The following SRL variants were observed in gnomAD, a reference collection of about 807,000 sequenced individuals.
SRL encodes the protein sarcalumenin.
SRL carries 23 observed loss-of-function variants against 39.5 expected under a neutral mutation model. The ratio of observed to expected loss-of-function variants is 0.58; its 90% confidence interval spans 0.42 to 0.82. The LOEUF is 0.82. Among genes scored for constraint, SRL ranks in the 40% least tolerant of loss-of-function variants. The probability of loss-of-function intolerance (pLI) is 0.00; values close to 1 mark genes in which losing one functional copy is unlikely to be tolerated. For missense variants in SRL, 592 were observed against 607.8 expected, an observed-to-expected ratio of 0.97 and a Z score of 0.27; for synonymous variants, 272 against 237.4, an observed-to-expected ratio of 1.15 and a Z score of -1.34.
intron 1 of SRL, among the ~76,000 whole-genome samples, chr16:4,215,192 T>C (rs1025819954): frequency 1.3e-5 from 2 of 152,208 alleles, no homozygotes; most frequent in Admixed American, 1.3e-4. Flanking sequence ...CCTGAGGTCC[T>C]CTTCTGCCAT....
chr16:4,206,731 G>A (rs763952157), intron 1 of SRL: 3 of 447,294 alleles, frequency 6.7e-6, no homozygotes, highest in East Asian at 7.0e-5. Context: ...TCCTACCCTG[G>A]GCAACAATGA....
At chr16:4,220,337 A>G (rs2052509998) in intron 1 of SRL, among the ~76,000 whole-genome samples, 1 of 142,934 alleles carries the variant, frequency 7.0e-6, no homozygotes, top group Non-Finnish European at 1.5e-5. Context: ...GCACACAGCT[A>G]CTCAGGAGGC....
At chr16:4,238,358 TCC>T (rs2052734729) in intron 1 of SRL, among the ~76,000 whole-genome samples, 1 of 151,754 alleles carries the variant, frequency 6.6e-6, no homozygotes, top group Non-Finnish European at 1.5e-5. Flanking sequence ...GAAACAGCTG[TCC>T]CCCTCCTGAG....
At chr16:4,237,785 G>T (rs2052728609) in intron 1 of SRL, among the ~76,000 whole-genome samples, 1 of 152,062 alleles carries the variant, frequency 6.6e-6, no homozygotes, top group African/African-American at 2.4e-5. Flanking sequence ...TTTCTGTTCT[G>T]AATCCTGCTT....
intron 1 of SRL, among the ~76,000 whole-genome samples, chr16:4,235,997 C>T (rs2052709814): frequency 6.6e-6 from 1 of 152,084 alleles, no homozygotes; most frequent in South Asian, 2.1e-4. Context: ...ATTGCTTGAG[C>T]CCAGGAGGTG....
chr16:4,220,992 A>C (rs8058335), intron 1 of SRL, among the ~76,000 whole-genome samples: 45,432 of 150,918 alleles, frequency 0.3, 7,272 homozygotes, highest in Middle Eastern at 0.48. Context: ...CTCAAAAAAA[A>C]CCCCACAAAT....
intron 1 of SRL, among the ~76,000 whole-genome samples, chr16:4,206,098 C>T (rs912590782): frequency 7.9e-5 from 12 of 152,150 alleles, no homozygotes; most frequent in African/African-American, 1.9e-4. Flanking sequence ...GGTGCCTGAC[C>T]GACCCTCGTA....
intron 4 of SRL, 82 bp from the exon 5 acceptor site, chr16:4,195,868 G>T: frequency 8.5e-7 from 1 of 1,171,588 alleles, no homozygotes; most frequent in Non-Finnish European, 1.2e-6. Context: ...TATGCCTGGT[G>T]TCACAGGGAG....
At chr16:4,240,365 G>C (rs1486552320) in intron 1 of SRL, among the ~76,000 whole-genome samples, 2 of 152,212 alleles carry the variant, frequency 1.3e-5, no homozygotes, top group African/African-American at 4.8e-5. Context: ...TTGTGGGTTA[G>C]AACCTGCCGG....
chr16:4,217,548 T>C (rs1371111624), intron 1 of SRL, among the ~76,000 whole-genome samples: 2 of 152,038 alleles, frequency 1.3e-5, no homozygotes, highest in African/African-American at 4.8e-5. Flanking sequence ...CACTGGCCCC[T>C]CCCCTGCTGT....
At chr16:4,207,042 G>A (rs2052329583) in intron 1 of SRL, 1 of 452,722 alleles carries the variant, frequency 2.2e-6, no homozygotes, top group Admixed American at 2.4e-5. Context: ...GGACTCCTCG[G>A]CTTCCTGCAG....
At chr16:4,228,335 G>A (rs901488644) in intron 1 of SRL, among the ~76,000 whole-genome samples, 3 of 152,240 alleles carry the variant, frequency 2.0e-5, no homozygotes, top group Admixed American at 2.0e-4. Flanking sequence ...TACTCGGGAG[G>A]CTGAGGCAGA....
chr16:4,209,943 A>AT, intron 1 of SRL, among the ~76,000 whole-genome samples: 1 of 152,266 alleles, frequency 6.6e-6, no homozygotes, highest in Non-Finnish European at 1.5e-5. Flanking sequence ...AGCAGGGCAC[A>AT]GGGGACCCCT....
intron 1 of SRL, among the ~76,000 whole-genome samples, chr16:4,240,478 C>G (rs539405214): frequency 6.6e-6 from 1 of 152,136 alleles, no homozygotes; most frequent in Non-Finnish European, 1.5e-5. Flanking sequence ...AAGTGCTGAG[C>G]AGGAGCAGGG....
At chr16:4,196,768 C>T (rs866632712) in intron 4 of SRL, among the ~76,000 whole-genome samples, 1 of 152,104 alleles carries the variant, frequency 6.6e-6, no homozygotes, top group African/African-American at 2.4e-5. Flanking sequence ...CGTGAGCCAC[C>T]GCGCCCAGCC....
chr16:4,218,016 G>C (rs985601504), intron 1 of SRL, among the ~76,000 whole-genome samples: 3 of 152,188 alleles, frequency 2.0e-5, no homozygotes, highest in African/African-American at 7.2e-5. Flanking sequence ...TCTTGGTGAA[G>C]TTCTGGCTGG....
chr16:4,206,335 G>A (rs371431996), intron 1 of SRL, among the ~76,000 whole-genome samples: 9 of 152,188 alleles, frequency 5.9e-5, no homozygotes, highest in African/African-American at 2.2e-4. Context: ...AGCCCACTAA[G>A]GGAATCACCA....
chr16:4,218,009 T>C (rs2052479901), intron 1 of SRL, among the ~76,000 whole-genome samples: 1 of 152,144 alleles, frequency 6.6e-6, no homozygotes, highest in Non-Finnish European at 1.5e-5. Flanking sequence ...CCTGCGCTCT[T>C]GGTGAAGTTC....
Position 4,192,662 on chromosome 16 carries a change from C to T in SRL, c.913G>A (p.Glu305Lys), listed in dbSNP as rs867204389. ...PQEYKPDTHQ[E>K]LFLQEEISLL... ...GAGATCTCTTCTTGGAGGAACAGTT[C>T]CTGATGGGTGTCCGGCTTATACTCT... Residue 305 changes from glutamate to lysine, a missense_variant, in exon 6 of 6, where the codon GAA (glutamate) becomes AAA (lysine). Glu to Lys is a moderately conservative substitution (Grantham distance 56). Coordinates refer to ENST00000399609, the MANE Select transcript of SRL (RefSeq NM_001098814.2). This position sits in a 1 kb window ranked among gnomAD's most constrained non-coding sequence, Gnocchi z 4.0. The T allele has an allele frequency of 1.2e-6, 2 of 1,614,096 alleles. No homozygotes were observed. Among genetic ancestry groups the T allele is most frequent in the South Asian group, 1.1e-5 (1 of 91,078 alleles).
Sources: allele counts gnomAD v4.1 joint callset (sites outside exome capture counted in the v4.1 genomes callset), GRCh38; gene constraint gnomAD v4.1.1; non-coding constraint Gnocchi (gnomAD v3.1); transcripts MANE v1.5; gene names NCBI Gene and HGNC (gene_info 2026-07-23, HGNC 2026-07-21).